SCN3A: variants seen among roughly 807,000 people sequenced by gnomAD.
SCN3A encodes the protein sodium channel protein type 3 subunit alpha.
In SCN3A, 60 loss-of-function variants were observed where a neutral mutation model predicts 187.6. The ratio of observed to expected loss-of-function variants is 0.32; its 90% CI spans 0.26 to 0.40. The LOEUF is 0.40. Ranked by LOEUF, SCN3A falls within the 10% of genes least tolerant of loss-of-function variation. SCN3A has a pLI of 1.00. For synonymous variants in SCN3A, 788 were observed against 829.2 expected (o/e 0.95, Z 0.85); for missense variants, 1,601 against 2,428.2 (o/e 0.66, Z 7.16).
At chr2:165,102,487 C>T (rs1285835628) in intron 21 of SCN3A, among the ~76,000 whole-genome samples, 1 of 152,010 alleles carries the variant, frequency 6.6e-6, no homozygotes, top group African/African-American at 2.4e-5. Context: ...TGCACTCCAG[C>T]CTGGGCTATA....
In SCN3A at chr2:165,113,977, A is replaced by G. The variant is rs747375523; in HGVS notation, c.3515-7T>C. 3 of 1,528,998 alleles carry G rather than the reference A, an allele frequency of 2.0e-6. No homozygotes were observed. Among genetic ancestry groups the G allele is most frequent in the Admixed American group, 1.7e-5 (1 of 58,466 alleles). 94.7% of individuals were successfully genotyped at this position (1,528,998 alleles called of 1,614,324 possible). On this transcript the variant is annotated splice_region_variant and splice_polypyrimidine_tract_variant and intron_variant, in intron 19 of 27. Transcript: ENST00000283254. ...GGAAACTTTTTAATACATCCTAAAA[A>G]TCAAATATAGTTAATTAAAAAATAT...
intron 15 of SCN3A, among the ~76,000 whole-genome samples, chr2:165,135,690 A>G (rs1029672984): frequency 2.6e-5 from 4 of 152,138 alleles, no homozygotes; most frequent in Non-Finnish European, 4.4e-5. Context: ...ATGGGTAGGA[A>G]ATTCTATGGG....
At chr2:165,096,434 A>G (rs1276552470) in intron 24 of SCN3A, 33 bp downstream of exon 24, 1 of 1,552,202 alleles carries the variant, frequency 6.4e-7, no homozygotes, top group African/African-American at 1.4e-5. Context: ...TAAGAAATCT[A>G]GAACCTATAA....
chr2:165,163,061 T>A (rs1689506601), intron 7 of SCN3A, among the ~76,000 whole-genome samples: 1 of 152,166 alleles, frequency 6.6e-6, no homozygotes, highest in Non-Finnish European at 1.5e-5. Context: ...GAAGTTTTGT[T>A]TGTGTGGTTT....
chr2:165,141,202 C>T (rs1166345831), intron 12 of SCN3A, among the ~76,000 whole-genome samples: 1 of 152,132 alleles, frequency 6.6e-6, no homozygotes, highest in East Asian at 1.9e-4. Context: ...GTTTTTCTGA[C>T]TAACAATACT....
At chr2:165,123,532 T>G (rs1354195738) in intron 18 of SCN3A, among the ~76,000 whole-genome samples, 1 of 152,114 alleles carries the variant, frequency 6.6e-6, no homozygotes, top group Non-Finnish European at 1.5e-5. Context: ...AATGTATAAC[T>G]CTGGTGGGTT....
chr2:165,194,391 G>T (rs1691808474), intron 1 of SCN3A, among the ~76,000 whole-genome samples: 2 of 152,200 alleles, frequency 1.3e-5, no homozygotes, highest in South Asian at 4.2e-4. Flanking sequence ...ACTTCTGAGG[G>T]TATAGCAATA....
chr2:165,174,872 G>A (rs1690350894), intron 3 of SCN3A, among the ~76,000 whole-genome samples: 1 of 152,132 alleles, frequency 6.6e-6, no homozygotes, highest in Non-Finnish European at 1.5e-5. Flanking sequence ...ACTCTGTTTA[G>A]CTATTTACAT....
intron 11 of SCN3A, 72 bp downstream of exon 11, chr2:165,154,380 T>G: frequency 6.7e-7 from 1 of 1,490,912 alleles, no homozygotes; most frequent in Non-Finnish European, 9.3e-7. Flanking sequence ...ATCTACCCTC[T>G]ATAGTATAAC....
intron 3 of SCN3A, among the ~76,000 whole-genome samples, chr2:165,173,969 C>T (rs1204062262): frequency 6.6e-6 from 1 of 152,188 alleles, no homozygotes; most frequent in East Asian, 1.9e-4. Flanking sequence ...TTGTCAAAAA[C>T]AGAGGACAAT....
At chr2:165,106,977 G>C (rs142928174) in intron 21 of SCN3A, among the ~76,000 whole-genome samples, 1 of 152,266 alleles carries the variant, frequency 6.6e-6, no homozygotes, top group Non-Finnish European at 1.5e-5. Context: ...AGAAGAACTT[G>C]CTGATTGATT....
At chr2:165,194,472 A>G (rs928685694) in intron 1 of SCN3A, among the ~76,000 whole-genome samples, 2 of 152,118 alleles carry the variant, frequency 1.3e-5, no homozygotes, top group African/African-American at 2.4e-5. Context: ...TGTCACATCT[A>G]TTAGAGGATA....
chr2:165,184,729 C>A (rs1691118591), intron 2 of SCN3A, among the ~76,000 whole-genome samples: 1 of 151,976 alleles, frequency 6.6e-6, no homozygotes, highest in Non-Finnish European at 1.5e-5. Context: ...AACATAAAAC[C>A]CACGTCTACT....
intron 11 of SCN3A, among the ~76,000 whole-genome samples, chr2:165,147,289 G>C (rs13035403): frequency 0.15 from 20,470 of 138,522 alleles, 1,596 homozygotes; most frequent in Non-Finnish European, 0.17. Flanking sequence ...TTTTTGGGGG[G>C]GGGGGGTTGG....
rs1684912891 is a variant in SCN3A at position 165,087,976 on chromosome 2, C to T, written c.*2174G>A. 6.6e-6 allele frequency: 1 copy of T among 152,094 alleles called. No individual in the cohort carries two copies. Among genetic ancestry groups the T allele is most frequent in the Admixed American group, 6.5e-5 (1 of 15,268 alleles). The allele number at this position is 152,094 out of a possible 1,614,324, so 9.4% of individuals were successfully genotyped here. ...AAGCTGCTTTTAATTTGCCTTTGTT[C>T]TGTAGTACTGCTTGGTGAATCATGC... is the stretch of plus-strand genomic sequence containing the variant. On this transcript the variant is annotated 3_prime_UTR_variant, in exon 28 of 28. Transcript: ENST00000283254.
intron 3 of SCN3A, among the ~76,000 whole-genome samples, chr2:165,173,135 G>A (rs554942416): frequency 6.6e-6 from 1 of 152,206 alleles, no homozygotes; most frequent in South Asian, 2.1e-4. Flanking sequence ...CATCTTATAA[G>A]TTTACTAAAA....
At chr2:165,114,649 T>A (rs1365893641) in intron 19 of SCN3A, among the ~76,000 whole-genome samples, 1 of 152,232 alleles carries the variant, frequency 6.6e-6, no homozygotes, top group African/African-American at 2.4e-5. Context: ...TGCTGCTTTC[T>A]GTGAGAACAG....
intron 16 of SCN3A, among the ~76,000 whole-genome samples, chr2:165,130,928 G>C (rs1687277135): frequency 6.6e-6 from 1 of 151,860 alleles, no homozygotes; most frequent in African/African-American, 2.4e-5. Flanking sequence ...AAATTAACTG[G>C]GGTCTAAATT....
intron 21 of SCN3A, among the ~76,000 whole-genome samples, chr2:165,102,872 C>T (rs976794488): frequency 1.3e-5 from 2 of 152,026 alleles, no homozygotes; most frequent in African/African-American, 2.4e-5. Context: ...GGATCTGTTG[C>T]GTATTTGACT....
Sources: gnomAD v4.1 joint callset for allele counts (sites outside exome capture counted in the v4.1 genomes callset) on GRCh38, gnomAD v4.1.1 for gene constraint, MANE v1.5 for transcripts, NCBI Gene and HGNC (gene_info 2026-07-23, HGNC 2026-07-21) for gene names.